Variants in ROBO2 observed in about 807,000 individuals in gnomAD.
The protein encoded by ROBO2 is roundabout guidance receptor 2.
Under a neutral mutation model 160.8 loss-of-function variants are expected in ROBO2, and 53 were observed. The ratio of observed to expected loss-of-function variants is 0.33; its 90% CI spans 0.26 to 0.41. The LOEUF (loss-of-function observed/expected upper bound fraction) is 0.41. Ranked by LOEUF, ROBO2 falls within the 10% of genes least tolerant of loss-of-function variation. ROBO2 has a pLI of 1.00. For missense variants in ROBO2, 1,577 were observed against 1,722.4 expected (o/e 0.92, Z 1.49); for synonymous variants, 664 against 611.7 (o/e 1.09, Z -1.26).
At chr3:76,192,524 CCACACACACACACACACACACA>C (rs3039244) in intron 2 of ROBO2, among the ~76,000 whole-genome samples, 3 of 130,080 alleles carry the variant, frequency 2.3e-5, no homozygotes, top group Middle Eastern at 3.6e-3. Flanking sequence ...CAACACTCCA[CCACACACACACACACACACACA>C]CACACACACA....
intron 2 of ROBO2, among the ~76,000 whole-genome samples, chr3:76,026,756 A>G (rs2107686794): frequency 6.6e-6 from 1 of 152,076 alleles, no homozygotes; most frequent in South Asian, 2.1e-4. Context: ...ACTATACAAA[A>G]TGTGAAGTAG....
chr3:76,603,332 CAAAAAAAA>C (rs61547121), intron 2 of ROBO2, among the ~76,000 whole-genome samples: 21 of 66,494 alleles, frequency 3.2e-4, no homozygotes, highest in African/African-American at 4.1e-4. Flanking sequence ...ACTCCATCTC[CAAAAAAAA>C]AAAAAAAAAA....
chr3:76,947,821 T>A (rs2078664858), intron 2 of ROBO2, among the ~76,000 whole-genome samples: 1 of 152,234 alleles, frequency 6.6e-6, no homozygotes, highest in Non-Finnish European at 1.5e-5. Context: ...CTTCAAGTTC[T>A]GATATTATTT....
intron 2 of ROBO2, among the ~76,000 whole-genome samples, chr3:76,605,346 C>T (rs1427447937): frequency 6.6e-6 from 1 of 151,462 alleles, no homozygotes; most frequent in Non-Finnish European, 1.5e-5. Context: ...AGAATTTAAA[C>T]CCAGGTTTAC....
intron 2 of ROBO2, among the ~76,000 whole-genome samples, chr3:76,939,979 A>ATCTTTT (rs2078050316): frequency 8.3e-6 from 1 of 120,552 alleles, no homozygotes; most frequent in African/African-American, 3.5e-5. Context: ...AAGCAACAGG[A>ATCTTTT]TTTTTTTTTT....
At chr3:77,418,349 A>G (rs970040497) in intron 2 of ROBO2, among the ~76,000 whole-genome samples, 2 of 152,060 alleles carry the variant, frequency 1.3e-5, no homozygotes, top group Non-Finnish European at 2.9e-5. Flanking sequence ...AGATGCATCC[A>G]TTTTCCAAAT....
intron 2 of ROBO2, among the ~76,000 whole-genome samples, chr3:77,031,657 A>G (rs1325206622): frequency 1.4e-5 from 2 of 146,614 alleles, no homozygotes. Flanking sequence ...TATAAGACAC[A>G]TAATATATAA....
chr3:77,525,747 A>C (rs1480516671), intron 6 of ROBO2, among the ~76,000 whole-genome samples: 1 of 149,924 alleles, frequency 6.7e-6, no homozygotes, highest in South Asian at 2.1e-4. Flanking sequence ...ATAGAAATAC[A>C]TTTTATTTGT....
intron 2 of ROBO2, among the ~76,000 whole-genome samples, chr3:77,378,327 A>G (rs1286443066): frequency 6.6e-6 from 1 of 152,168 alleles, no homozygotes; most frequent in Admixed American, 6.5e-5. Context: ...TTGAGTTCCT[A>G]TAAGGTAGGT....
intron 21 of ROBO2, among the ~76,000 whole-genome samples, chr3:77,612,449 C>T (rs1345534104): frequency 6.6e-6 from 1 of 152,174 alleles, no homozygotes; most frequent in East Asian, 1.9e-4. Context: ...ATGATATACA[C>T]CATGCCCCAA....
chr3:76,549,689 T>C (rs1047591530), intron 2 of ROBO2, among the ~76,000 whole-genome samples: 6 of 152,170 alleles, frequency 3.9e-5, no homozygotes, highest in Admixed American at 3.9e-4. Context: ...TTAGGGATAG[T>C]GGATTCAGTT....
chr3:77,502,527 A>G (rs2087769854), intron 5 of ROBO2, among the ~76,000 whole-genome samples: 1 of 152,172 alleles, frequency 6.6e-6, no homozygotes, highest in Admixed American at 6.6e-5. Flanking sequence ...ATTGGGTAAG[A>G]AAAAATAATT....
At chr3:77,196,502 CTT>C (rs3071072) in intron 2 of ROBO2, among the ~76,000 whole-genome samples, 29,691 of 148,680 alleles carry the variant, frequency 0.2, 3,336 homozygotes, top group Middle Eastern at 0.31. Flanking sequence ...AGGAGGGCAT[CTT>C]TTTTTTTTCC....
chr3:76,074,173 A>G (rs769646726), intron 2 of ROBO2, among the ~76,000 whole-genome samples: 4 of 151,524 alleles, frequency 2.6e-5, no homozygotes, highest in African/African-American at 4.9e-5. Flanking sequence ...CTTCAGTTTC[A>G]TCAGATAATA....
At chr3:77,368,375 C>T (rs2071244723) in intron 2 of ROBO2, among the ~76,000 whole-genome samples, 1 of 151,948 alleles carries the variant, frequency 6.6e-6, no homozygotes, top group South Asian at 2.1e-4. Flanking sequence ...TTAATACGTG[C>T]TTGTATCATT....
chr3:76,397,770 A>G (rs1026232028), intron 2 of ROBO2, among the ~76,000 whole-genome samples: 43 of 152,318 alleles, frequency 2.8e-4, no homozygotes, highest in South Asian at 2.1e-4. Context: ...CAAAACCACA[A>G]TGGGATACCA....
intron 2 of ROBO2, among the ~76,000 whole-genome samples, chr3:76,977,964 C>A (rs2059893832): frequency 6.6e-6 from 1 of 152,106 alleles, no homozygotes; most frequent in Non-Finnish European, 1.5e-5. Context: ...CTTACAGATT[C>A]TTTGCTGATA....
intron 2 of ROBO2, among the ~76,000 whole-genome samples, chr3:76,910,913 T>G (rs1384014423): frequency 6.6e-6 from 1 of 152,050 alleles, no homozygotes; most frequent in Non-Finnish European, 1.5e-5. Context: ...TAAGTCCTTT[T>G]TTTGCTTCAT....
At chr3:76,890,291 G>A (rs1385658637) in intron 2 of ROBO2, among the ~76,000 whole-genome samples, 1 of 152,164 alleles carries the variant, frequency 6.6e-6, no homozygotes, top group Non-Finnish European at 1.5e-5. Flanking sequence ...ATAGGAAATT[G>A]AGGCTAAGAA....
Sources: gnomAD v4.1 joint callset for allele counts (sites outside exome capture counted in the v4.1 genomes callset) on GRCh38, gnomAD v4.1.1 for gene constraint, MANE v1.5 for transcripts, NCBI Gene and HGNC (gene_info 2026-07-23, HGNC 2026-07-21) for gene names.